The following LILRB1 variants were observed in gnomAD, a reference collection of about 807,000 sequenced individuals.
LILRB1 encodes the protein leukocyte immunoglobulin-like receptor subfamily B member 1.
LILRB1 carries 59 observed loss-of-function variants against 74.6 expected under a neutral mutation model. That is an observed-to-expected ratio of 0.79 (90% CI 0.64 to 0.98). The LOEUF (loss-of-function observed/expected upper bound fraction) is 0.98. Among genes scored for constraint, LILRB1 ranks in the 50% least tolerant of loss-of-function variants. LILRB1 has a pLI of 0.00. For synonymous variants in LILRB1, 328 were observed against 333.9 expected (o/e 0.98, Z 0.19); for missense variants, 804 against 822.6 (o/e 0.98, Z 0.28).
chr19:54,633,372 C>T, intron 7 of LILRB1, 54 bp downstream of exon 7: 2 of 1,566,378 alleles, frequency 1.3e-6, no homozygotes, highest in Non-Finnish European at 1.7e-6. Flanking sequence ...TCAGACCCTG[C>T]CCCAGGAGAG....
At chr19:54,633,340 T>C in intron 7 of LILRB1, 22 bp downstream of exon 7, 1 of 1,604,994 alleles carries the variant, frequency 6.2e-7, no homozygotes, top group Non-Finnish European at 8.5e-7. Context: ...GACCCTGTCC[T>C]CTCTGAGCTC....
intron 1 of LILRB1, among the ~76,000 whole-genome samples, chr19:54,619,984 A>T (rs1375624677): frequency 6.8e-6 from 1 of 147,842 alleles, no homozygotes; most frequent in Non-Finnish European, 1.5e-5. Context: ...AATTTGGGTT[A>T]CTAAATTAAA....
intron 1 of LILRB1, among the ~76,000 whole-genome samples, chr19:54,623,640 G>A (rs1326335394): frequency 1.3e-5 from 2 of 152,134 alleles, no homozygotes; most frequent in East Asian, 3.9e-4. Flanking sequence ...TAATGTTTTT[G>A]TCTCAATCTC....
At chr19:54,632,960 A>T (rs2064030159) in intron 6 of LILRB1, 56 bp from the exon 7 acceptor site, 2 of 1,580,098 alleles carry the variant, frequency 1.3e-6, no homozygotes, top group South Asian at 2.3e-5. Context: ...AGACCTGGGG[A>T]GGTGTCAGCT....
intron 1 of LILRB1, among the ~76,000 whole-genome samples, chr19:54,618,116 GA>G (rs1406507153): frequency 8.1e-6 from 1 of 124,192 alleles, no homozygotes; most frequent in Non-Finnish European, 1.8e-5. Context: ...AAAAAAAAAA[GA>G]AAAAAAGAAA....
chr19:54,636,002 C>T, intron 13 of LILRB1: 1 of 552,456 alleles, frequency 1.8e-6, no homozygotes, highest in Non-Finnish European at 3.6e-6. Context: ...AGGAAAGCCG[C>T]CCCCGCCTCC....
chr19:54,629,006 CTG>C (rs2063677246), upstream of LILRB1, among the ~76,000 whole-genome samples: 1 of 152,374 alleles, frequency 6.6e-6, no homozygotes. Context: ...TCCGGACACA[CTG>C]TGGCTTGCCA....
rs774269500 is a variant in LILRB1, at chr19:54,634,717, C to G, written c.1440C>G (p.Leu480=). 3.1e-6 allele frequency: 5 copies of G among 1,613,898 alleles called. No homozygotes were observed. The highest frequency in any genetic ancestry group is 4.2e-6 in the Non-Finnish European group (5 of 1,179,974). Residue 480 remains leucine, a synonymous_variant, in exon 10 of 15, where the codon CTC becomes CTG. Coordinates refer to ENST00000324602, the MANE Select transcript of LILRB1 (RefSeq NM_001081637.3). ...VILLLLLLLL[L]FLILRHRRQG... ...TACTGCTCCTCCTCCTCCTCCTCCT[C>G]TTCCTCATCCTCCGACATCGACGTC...
chr19:54,635,693 C>A, intron 13 of LILRB1, 84 bp downstream of exon 13: 1 of 1,480,378 alleles, frequency 6.8e-7, no homozygotes, highest in Non-Finnish European at 9.4e-7. Flanking sequence ...CTCCTTCCCC[C>A]GGCTCTCAGC....
At chr19:54,625,393 C>A (rs2063553639) in intron 1 of LILRB1, among the ~76,000 whole-genome samples, 2 of 152,002 alleles carry the variant, frequency 1.3e-5, no homozygotes, top group Admixed American at 1.3e-4. Flanking sequence ...GCAGTGGCAG[C>A]TGGACCCAGG....
At chr19:54,630,413 G>C (rs545475346), upstream of LILRB1, 11 of 283,510 alleles carry the variant, frequency 3.9e-5, no homozygotes, top group South Asian at 3.1e-4. Flanking sequence ...GTTAAGAGGG[G>C]ACTATTTGGT....
chr19:54,631,207 C>A (rs1273198815), intron 2 of LILRB1, 64 bp from the exon 3 acceptor site: 10 of 1,613,900 alleles, frequency 6.2e-6, no homozygotes, highest in Middle Eastern at 1.7e-4. Context: ...CACAAAGATC[C>A]CAGGGAGGGG....
At chr19:54,618,100 C>CA (rs1202106742) in intron 1 of LILRB1, among the ~76,000 whole-genome samples, 21,271 of 77,560 alleles carry the variant, frequency 0.27, 2,135 homozygotes, top group African/African-American at 0.32. Flanking sequence ...GCCCCTGCCT[C>CA]AAAAAAAAAA....
chr19:54,637,142 C>T lies in LILRB1; in HGVS notation c.*264C>T. ...AAACTGAATCACAATGTAAATATTA[C>T]ACATCAAGCGATGAAACTGGAAAAC... On this transcript the variant is annotated 3_prime_UTR_variant, in exon 15 of 15. Transcript: ENST00000324602. The T allele has an allele frequency of 2.1e-6, 1 of 467,914 alleles. No homozygotes were observed. Among genetic ancestry groups the T allele is most frequent in the East Asian group, 3.3e-5 (1 of 30,316 alleles). 29.0% of individuals were successfully genotyped at this position (467,914 alleles called of 1,614,324 possible).
chr19:54,622,203 T>C (rs1265319164), intron 1 of LILRB1, among the ~76,000 whole-genome samples: 1 of 152,230 alleles, frequency 6.6e-6, no homozygotes. Context: ...TAAAAATTGC[T>C]TTTTCTCTAA....
At chr19:54,633,914 C>T in intron 8 of LILRB1, 57 bp from the exon 9 acceptor site, 3 of 1,550,326 alleles carry the variant, frequency 1.9e-6, no homozygotes, top group Non-Finnish European at 2.6e-6. Flanking sequence ...GGAGGAGCAG[C>T]CGGGCTGATG....
At chr19:54,633,781 G>C (rs942534511) in intron 8 of LILRB1, 93 bp downstream of exon 8, 6 of 1,493,194 alleles carry the variant, frequency 4.0e-6, no homozygotes, top group Middle Eastern at 1.7e-4. Context: ...TCAAAGACTC[G>C]AGCTTCCCTC....
chr19:54,617,911 G>A (rs2063351535), intron 1 of LILRB1, among the ~76,000 whole-genome samples: 1 of 151,894 alleles, frequency 6.6e-6, no homozygotes, highest in Non-Finnish European at 1.5e-5. Flanking sequence ...AGACCAGCCT[G>A]GCCAACATGG....
rs774563445 is a variant in LILRB1 at position 54,632,013 on chromosome 19, A to T, written c.437A>T (p.Asp146Val). 5 of 1,614,024 alleles carry T rather than the reference A, an allele frequency of 3.1e-6. No homozygotes were observed. Among genetic ancestry groups the T allele is most frequent in the Admixed American group, 1.7e-5 (1 of 60,014 alleles). ...GGAGGGAATGTAACCCTCCAGTGTG[A>T]CTCACAGGTGGCATTTGATGGCTTC... ...NSGGNVTLQC[D>V]SQVAFDGFIL... is the part of the protein sequence containing the mutation. Residue 146 changes from aspartate (D) to valine (V), a missense_variant, in exon 5 of 15, where the codon GAC becomes GTC. Physicochemically the swap from Asp to Val is radical, Grantham distance 152 (BLOSUM62 -3). Transcript: ENST00000324602.
Sources: allele counts gnomAD v4.1 joint callset (sites outside exome capture counted in the v4.1 genomes callset), GRCh38; gene constraint gnomAD v4.1.1; transcripts MANE v1.5; gene names NCBI Gene and HGNC (gene_info 2026-07-23, HGNC 2026-07-21).